Variants in PRPSAP1 observed in about 807,000 individuals in gnomAD.
PRPSAP1 encodes phosphoribosyl pyrophosphate synthase-associated protein 1.
Under a neutral mutation model 39.4 loss-of-function variants are expected in PRPSAP1, and 31 were observed. The ratio of observed to expected loss-of-function variants is 0.79; its 90% CI spans 0.59 to 1.06. The LOEUF (loss-of-function observed/expected upper bound fraction) is 1.06, where lower values mean the gene tolerates loss of function less well. Ranked by LOEUF, PRPSAP1 falls within the 50% of genes least tolerant of loss-of-function variation. The pLI is 0.00. For synonymous variants in PRPSAP1, 212 were observed against 192.6 expected (o/e 1.10, Z -0.83); for missense variants, 430 against 511.6 (o/e 0.84, Z 1.54).
intron 7 of PRPSAP1, among the ~76,000 whole-genome samples, chr17:76,320,591 A>ATTTTTTTT (rs34656314): frequency 7.2e-6 from 1 of 139,164 alleles, no homozygotes. Flanking sequence ...CGTCCAGCTA[A>ATTTTTTTT]TTTTTTTTTT....
Position 76,309,923 on chromosome 17 carries a change from T to C in PRPSAP1, c.*1619A>G, listed in dbSNP as rs1351842984. Reference sequence around the variant, plus strand: ...TAATTGAAGGATTTTCGATCATCATTATATTCCAATAACTTGGGACACAGT... The same window carrying C: ...TAATTGAAGGATTTTCGATCATCATCATATTCCAATAACTTGGGACACAGT... On this transcript the variant is annotated 3_prime_UTR_variant, in exon 10 of 10. Coordinates refer to ENST00000446526, the MANE Select transcript of PRPSAP1 (RefSeq NM_002766.3). The C allele has an allele frequency of 6.6e-6, 1 of 152,118 alleles. No individual in the cohort carries two copies. Among genetic ancestry groups the C allele is most frequent in the African/African-American group, 2.4e-5 (1 of 41,428 alleles). 9.4% of individuals were successfully genotyped at this position (152,118 alleles called of 1,614,324 possible).
At chr17:76,318,037 C>T (rs1309741371) in intron 7 of PRPSAP1, among the ~76,000 whole-genome samples, 1 of 152,138 alleles carries the variant, frequency 6.6e-6, no homozygotes, top group African/African-American at 2.4e-5. Flanking sequence ...CTGGCCTTTA[C>T]CTACAAGATG....
rs182026762 is a variant in PRPSAP1, at chr17:76,345,127, C to T, written c.224-390G>A. On this transcript the variant is annotated intron_variant, in intron 2 of 9. Coordinates refer to ENST00000446526, the MANE Select transcript of PRPSAP1 (RefSeq NM_002766.3). ...GCGGGTGCCTGTAGTCCCAGCTACT[C>T]GGGAGGCTGAGGCAGGAGAATGGCG... 5.0e-3 allele frequency among the ~76,000 whole-genome samples: 749 copies of T among 149,036 alleles called. 18 individuals carry two copies. In the South Asian group the frequency reaches 0.068, roughly 13 times the overall value.
chr17:76,332,892 ATTTT>A (rs1386737477), intron 3 of PRPSAP1, among the ~76,000 whole-genome samples: 1 of 139,204 alleles, frequency 7.2e-6, no homozygotes. Context: ...TTGGAATATA[ATTTT>A]TTTTTTTTTT....
At chr17:76,322,195 G>A (rs576880598) in intron 7 of PRPSAP1, among the ~76,000 whole-genome samples, 4 of 152,198 alleles carry the variant, frequency 2.6e-5, no homozygotes, top group East Asian at 3.9e-4. Flanking sequence ...TCAGGAGTTC[G>A]TGACCAGCCC....
In PRPSAP1 at chr17:76,353,555, T is replaced by C; in HGVS notation, c.149A>G (p.Glu50Gly). Reference protein sequence around the residue: ...FSANSTAACTELAKRITERLG... With the variant: ...FSANSTAACTGLAKRITERLG... ...TTACTCTGTGATGCGCTTGGCCAGC[T>C]CCGTGCAGGCGGCCGTGGAGTTGGC... is the stretch of plus-strand genomic sequence containing the variant. Residue 50 changes from glutamate to glycine, a missense_variant, in exon 1 of 10, where the codon GAG becomes GGG. By Grantham distance (98) the Glu-to-Gly change is moderately conservative. Around this residue, in one of 2 missense-constraint regions of PRPSAP1, gnomAD observed 152 missense variants for 135.2 expected, o/e 1.12. Transcript: ENST00000446526. 1 of 1,548,382 alleles carries C rather than the reference T, an allele frequency of 6.5e-7. No homozygotes were observed. The highest frequency in any genetic ancestry group is 8.7e-7 in the Non-Finnish European group (1 of 1,152,398).
At chr17:76,315,989 C>T (rs2071119112) in intron 7 of PRPSAP1, among the ~76,000 whole-genome samples, 1 of 150,994 alleles carries the variant, frequency 6.6e-6, no homozygotes, top group South Asian at 2.1e-4. Flanking sequence ...ACCAGCCTGG[C>T]CAACATGGTG....
chr17:76,345,462 A>T lies in PRPSAP1; in HGVS notation c.224-725T>A, dbSNP rs1030886968. Reference sequence around the variant, plus strand: ...AGTCTGGGTGACACAGCGAGATTCTATCTCAAAAAAATAATTAGCTGGACA... The same window carrying T: ...AGTCTGGGTGACACAGCGAGATTCTTTCTCAAAAAAATAATTAGCTGGACA... On this transcript the variant is annotated intron_variant, in intron 2 of 9. Transcript: ENST00000446526. 3.9e-5 allele frequency among the ~76,000 whole-genome samples: 6 copies of T among 151,906 alleles called. No homozygotes were observed. The South Asian group carries it at 1.0e-3, about 26-fold the overall frequency.
At chr17:76,321,251 G>A (rs999426608) in intron 7 of PRPSAP1, among the ~76,000 whole-genome samples, 3 of 152,176 alleles carry the variant, frequency 2.0e-5, no homozygotes, top group Non-Finnish European at 4.4e-5. Context: ...CATGAACCAT[G>A]CTCATATAAG....
intron 1 of PRPSAP1, 105 bp from the exon 2 acceptor site, chr17:76,348,686 C>A: frequency 1.2e-6 from 1 of 811,074 alleles, no homozygotes; most frequent in Non-Finnish European, 1.9e-6. Flanking sequence ...AATTAAGCTG[C>A]CATTCTTTCC....
Position 76,353,861 on chromosome 17 carries a change from G to A in PRPSAP1, c.-158C>T, listed in dbSNP as rs902088048. 259 of 1,341,938 alleles carry A rather than the reference G, an allele frequency of 1.9e-4. No individual in the cohort carries two copies. Among genetic ancestry groups the A allele is most frequent in the Non-Finnish European group, 2.1e-4 (220 of 1,052,726 alleles). The allele number at this position is 1,341,938 out of a possible 1,614,324, so 83.1% of individuals were successfully genotyped here. A position where few individuals can be genotyped will look rare whatever the true frequency, so the allele number is the denominator to read the frequency against. On this transcript the variant is annotated 5_prime_UTR_variant, in exon 1 of 10. Transcript: ENST00000446526. ...GTGCCCTTGCGCACCCCACACCACT[G>A]ACTACAGCGGCCGAGCCTTCGCAGC...
At chr17:76,314,674 A>C (rs1341779284) in intron 7 of PRPSAP1, 1 of 152,278 alleles carries the variant, frequency 6.6e-6, no homozygotes, top group Non-Finnish European at 1.5e-5. Flanking sequence ...CCAGCCTTAC[A>C]CTTTTTTCCT....
intron 2 of PRPSAP1, 53 bp from the exon 3 acceptor site, chr17:76,344,790 G>C: frequency 7.1e-7 from 1 of 1,404,858 alleles, no homozygotes. Context: ...TGTTAAAAAG[G>C]AGAAAAAAGA....
intron 3 of PRPSAP1, 92 bp downstream of exon 3, chr17:76,344,579 T>G (rs770742125): frequency 8.4e-7 from 1 of 1,188,510 alleles, no homozygotes; most frequent in Non-Finnish European, 1.2e-6. Flanking sequence ...ATATAACTTT[T>G]AAAAACACTA....
intron 3 of PRPSAP1, among the ~76,000 whole-genome samples, chr17:76,338,485 C>G (rs1177629686): frequency 6.6e-6 from 1 of 152,008 alleles, no homozygotes. Flanking sequence ...GGTGAATCAC[C>G]TAAGGTCAGG....
intron 7 of PRPSAP1, among the ~76,000 whole-genome samples, chr17:76,315,700 CTTTTTTTT>C (rs71161279): frequency 8.4e-4 from 61 of 72,672 alleles, no homozygotes; most frequent in African/African-American, 1.7e-3. Context: ...GACCTATCCG[CTTTTTTTT>C]TTTTTTTTTT....
intron 8 of PRPSAP1, chr17:76,313,584 T>C (rs1371391550): frequency 2.0e-6 from 1 of 489,952 alleles, no homozygotes; most frequent in East Asian, 3.3e-5. Context: ...ATGATGAAGG[T>C]GAAGGTGCTG....
chr17:76,330,782 G>A (rs1598528127), intron 4 of PRPSAP1, 116 bp from the exon 5 acceptor site: 2 of 604,406 alleles, frequency 3.3e-6, no homozygotes, highest in Non-Finnish European at 5.7e-6. Flanking sequence ...ACGGGGTACT[G>A]TGATTAAGCA....
intron 3 of PRPSAP1, among the ~76,000 whole-genome samples, chr17:76,334,716 G>A (rs1013359197): frequency 6.6e-6 from 1 of 152,102 alleles, no homozygotes; most frequent in African/African-American, 2.4e-5. Flanking sequence ...CTTTTAGACT[G>A]CTAATCCATT....
Sources: gnomAD v4.1 joint callset for allele counts (sites outside exome capture counted in the v4.1 genomes callset) on GRCh38, gnomAD v4.1.1 for gene constraint, gnomAD v4.1.1 regional missense constraint, MANE v1.5 for transcripts, NCBI Gene and HGNC (gene_info 2026-07-23, HGNC 2026-07-21) for gene names.